RGS17: variants seen among roughly 807,000 people sequenced by gnomAD.
The protein encoded by RGS17 is regulator of G protein signaling 17.
A neutral mutation model predicts 25.5 loss-of-function variants in RGS17; 12 were observed. The observed-to-expected ratio is 0.47, with a 90% CI of 0.30 to 0.76. The LOEUF is 0.76. RGS17 is among the 30% of genes least tolerant of loss of function. The pLI is 0.07. For missense variants in RGS17, 196 were observed against 242.2 expected (o/e 0.81, Z 1.27); for synonymous variants, 71 against 76.9 (o/e 0.92, Z 0.40).
chr6:153,063,661 A>G (rs1170515691), intron 1 of RGS17, among the ~76,000 whole-genome samples: 1 of 152,240 alleles, frequency 6.6e-6, no homozygotes, highest in Non-Finnish European at 1.5e-5. Context: ...AGAAGGGTAG[A>G]AAGTTTATTC....
chr6:153,046,545 G>C (rs1933257), intron 1 of RGS17, among the ~76,000 whole-genome samples: 27,550 of 151,630 alleles, frequency 0.18, 2,951 homozygotes, highest in South Asian at 0.24. Flanking sequence ...AACAAAAATT[G>C]GCAAATATGA....
At chr6:153,046,800 C>A (rs933276426) in intron 1 of RGS17, among the ~76,000 whole-genome samples, 1 of 151,964 alleles carries the variant, frequency 6.6e-6, no homozygotes, top group Non-Finnish European at 1.5e-5. Context: ...AATGGATTGT[C>A]AGGAAAGTCA....
At chr6:153,070,641 T>C (rs1393803379) in intron 1 of RGS17, among the ~76,000 whole-genome samples, 1 of 151,210 alleles carries the variant, frequency 6.6e-6, no homozygotes, top group African/African-American at 2.4e-5. Context: ...TGGCTGTATA[T>C]ATACAGCCAT....
intron 1 of RGS17, among the ~76,000 whole-genome samples, chr6:153,080,916 T>C (rs911519301): frequency 3.9e-5 from 6 of 152,112 alleles, no homozygotes; most frequent in African/African-American, 1.2e-4. Context: ...TATCTTTCTC[T>C]TGTTAATTTC....
intron 1 of RGS17, among the ~76,000 whole-genome samples, chr6:153,084,840 T>C (rs1019450713): frequency 4.6e-5 from 7 of 152,190 alleles, no homozygotes; most frequent in South Asian, 2.1e-4. Context: ...AGAGATGCCA[T>C]AGGAAATTCC....
chr6:153,016,520 A>C (rs1584118246), intron 4 of RGS17, among the ~76,000 whole-genome samples: 1 of 152,210 alleles, frequency 6.6e-6, no homozygotes, highest in Admixed American at 6.5e-5. Flanking sequence ...AGTAGAAGGA[A>C]TCATTATTAT....
chr6:153,115,484 A>G (rs2129126020), intron 1 of RGS17, among the ~76,000 whole-genome samples: 1 of 152,354 alleles, frequency 6.6e-6, no homozygotes, highest in East Asian at 1.9e-4. Flanking sequence ...AATATCGTGA[A>G]AACAGCCATA....
intron 1 of RGS17, among the ~76,000 whole-genome samples, chr6:153,099,609 T>C (rs1179975212): frequency 1.3e-5 from 2 of 152,160 alleles, no homozygotes; most frequent in Non-Finnish European, 2.9e-5. Flanking sequence ...ATTTCACAAG[T>C]GGCTTTGTGA....
chr6:153,033,125 G>C (rs866100564), intron 2 of RGS17, among the ~76,000 whole-genome samples: 7 of 152,058 alleles, frequency 4.6e-5, no homozygotes, highest in Admixed American at 1.3e-4. Context: ...CTCTCTCTCA[G>C]TTGCCAATTT....
At chr6:153,064,094 A>C (rs1012661102) in intron 1 of RGS17, among the ~76,000 whole-genome samples, 4 of 152,232 alleles carry the variant, frequency 2.6e-5, no homozygotes, top group African/African-American at 7.2e-5. Context: ...AGAAATGCTA[A>C]CAGAGTACTT....
At chr6:153,082,680 A>G (rs1777001795) in intron 1 of RGS17, among the ~76,000 whole-genome samples, 1 of 152,066 alleles carries the variant, frequency 6.6e-6, no homozygotes, top group Non-Finnish European at 1.5e-5. Flanking sequence ...CTCTTGGATG[A>G]TATTTCTCCT....
At chr6:153,054,899 T>C (rs547310790) in intron 1 of RGS17, among the ~76,000 whole-genome samples, 1 of 152,306 alleles carries the variant, frequency 6.6e-6, no homozygotes, top group East Asian at 1.9e-4. Flanking sequence ...TTTTTCTGAC[T>C]GATAGAGAAT....
chr6:153,051,967 G>A (rs1363299725), intron 1 of RGS17, among the ~76,000 whole-genome samples: 1 of 152,132 alleles, frequency 6.6e-6, no homozygotes, highest in Admixed American at 6.6e-5. Context: ...GATTTTACAG[G>A]GAAGACCATA....
At chr6:153,052,801 G>A (rs1776478531) in intron 1 of RGS17, among the ~76,000 whole-genome samples, 1 of 152,102 alleles carries the variant, frequency 6.6e-6, no homozygotes, top group South Asian at 2.1e-4. Context: ...AAACACATAT[G>A]TTGAAATCTA....
At position 153,129,142 on chromosome 6, in the gene RGS17, C is replaced by T. The variant is rs570852684; in HGVS notation, c.-26+1982G>A. Reference sequence around the variant, plus strand: ...CTCAATCTTTTTGTAATAACGAACACTTCTTTTCTTGTTACCTCAAACTAA... The same window carrying T: ...CTCAATCTTTTTGTAATAACGAACATTTCTTTTCTTGTTACCTCAAACTAA... On this transcript the variant is annotated intron_variant, in intron 1 of 4. Coordinates refer to ENST00000206262, the MANE Select transcript of RGS17 (RefSeq NM_012419.5). Among the ~76,000 whole-genome samples, 4 of 152,302 alleles carry T rather than the reference C, an allele frequency of 2.6e-5. 1 individual carries two copies. The South Asian group carries it at 8.3e-4, about 32-fold the overall frequency.
chr6:153,070,620 TC>T, intron 1 of RGS17, among the ~76,000 whole-genome samples: 1 of 151,348 alleles, frequency 6.6e-6, no homozygotes, highest in South Asian at 2.1e-4. Flanking sequence ...GAATCAATCT[TC>T]CATGGATACT....
At chr6:153,127,741 C>T (rs969490891) in intron 1 of RGS17, among the ~76,000 whole-genome samples, 5 of 152,140 alleles carry the variant, frequency 3.3e-5, no homozygotes, top group South Asian at 2.1e-4. Context: ...ATTCCCAAAA[C>T]GACAATTCTG....
chr6:153,051,263 A>G (rs1461904503), intron 1 of RGS17, among the ~76,000 whole-genome samples: 1 of 152,214 alleles, frequency 6.6e-6, no homozygotes, highest in Non-Finnish European at 1.5e-5. Flanking sequence ...AAGAGTTGTG[A>G]AGTACATCTA....
intron 1 of RGS17, among the ~76,000 whole-genome samples, chr6:153,101,373 G>A (rs1281969): frequency 0.12 from 17,720 of 152,198 alleles, 1,083 homozygotes; most frequent in Admixed American, 0.16. Context: ...GGGCACTTGA[G>A]TGTACATGGA....
Sources: allele counts gnomAD v4.1 joint callset (sites outside exome capture counted in the v4.1 genomes callset), GRCh38; gene constraint gnomAD v4.1.1; transcripts MANE v1.5; gene names NCBI Gene and HGNC (gene_info 2026-07-23, HGNC 2026-07-21).